COPA: variants seen among roughly 807,000 people sequenced by gnomAD.
COPA encodes coatomer subunit alpha.
COPA carries 10 observed loss-of-function variants against 158.7 expected under a neutral mutation model. The ratio of observed to expected loss-of-function variants is 0.06; its 90% CI spans 0.04 to 0.11. The LOEUF (loss-of-function observed/expected upper bound fraction) is 0.11, where lower values mean the gene tolerates loss of function less well. COPA is among the 10% of genes least tolerant of loss of function. COPA has a pLI of 1.00. For missense variants in COPA, 1,065 were observed against 1,536.7 expected (o/e 0.69, Z 5.13); for synonymous variants, 462 against 542.8 (o/e 0.85, Z 2.07).
In COPA at chr1:160,289,529, C is replaced by T. The variant is rs1658149669; in HGVS notation, c.*628G>A. The T allele has an allele frequency of 6.6e-6, 1 of 151,804 alleles. No homozygotes were observed. The highest frequency in any genetic ancestry group is 6.6e-5 in the Admixed American group (1 of 15,230). The allele number at this position is 151,804 out of a possible 1,614,324, so 9.4% of individuals were successfully genotyped here. A position where few individuals can be genotyped will look rare whatever the true frequency, so the allele number is the denominator to read the frequency against. ...TTCTAGTTGACAGGAAAGAAAGCTGCTGTGGGGAAAGGAGGGATAAATACT... is the reference window on the plus strand; with the variant it reads ...TTCTAGTTGACAGGAAAGAAAGCTGTTGTGGGGAAAGGAGGGATAAATACT... On this transcript the variant is annotated 3_prime_UTR_variant, in exon 33 of 33. Transcript: ENST00000241704.
rs372132281 is a variant in COPA at position 160,335,435 on chromosome 1, T to C, written c.229-113A>G. On this transcript the variant is annotated intron_variant, in intron 3 of 32. Transcript: ENST00000241704. ...ATATGTATATAAATATAGATTTATA[T>C]ACATTATTTGTATTTTGGCATTTCT... 1.4e-4 allele frequency: 103 copies of C among 751,172 alleles called. No individual in the cohort carries two copies. In the African/African-American group the frequency reaches 1.5e-3, roughly 11 times the overall value. 46.5% of individuals were successfully genotyped at this position (751,172 alleles called of 1,614,324 possible).
At chr1:160,322,839 C>G (rs7525326) in intron 8 of COPA, among the ~76,000 whole-genome samples, 5,022 of 152,140 alleles carry the variant, frequency 0.033, 274 homozygotes, top group African/African-American at 0.12. Flanking sequence ...CCACTACTGG[C>G]TATATATCCA....
rs1658121830 is a variant in COPA at position 160,288,913 on chromosome 1, T to C, written c.*1244A>G. On this transcript the variant is annotated 3_prime_UTR_variant, in exon 33 of 33. Transcript: ENST00000241704. ...GAATAAGGGAGCTACTTGCTTTCTA[T>C]CATTTTCACAGCAGTTTAGGTCCTC... Among the ~76,000 whole-genome samples the C allele has an allele frequency of 6.6e-6, 1 of 152,196 alleles. No homozygotes were observed. The highest frequency in any genetic ancestry group is 1.5e-5 in the Non-Finnish European group (1 of 68,038).
intron 1 of COPA, among the ~76,000 whole-genome samples, chr1:160,341,273 G>A (rs182291852): frequency 6.6e-6 from 1 of 152,326 alleles, no homozygotes; most frequent in African/African-American, 2.4e-5. Flanking sequence ...TTTTATGAAA[G>A]TGGGGATCAC....
At position 160,295,799 on chromosome 1, in the gene COPA, C is replaced by T. The variant is rs1350461366; in HGVS notation, c.2413G>A (p.Asp805Asn). The change falls in exon 23 of 33, where the codon GAT becomes AAT. Residue 805 changes from aspartate to asparagine, a missense_variant. This residue lies in a region of COPA where 980 missense variants were observed against 1,357.8 expected (regional missense o/e 0.72). Coordinates refer to ENST00000241704, the MANE Select transcript of COPA (RefSeq NM_004371.4). ...ACAGTCAATAAAGGCCAATTGGTAT[C>T]CAATGGCATGATAGGTGCAGGTGGC... is the stretch of plus-strand genomic sequence containing the variant. ...LQPPAPIMPL[D>N]TNWPLLTVSK... 1 of 1,613,638 alleles carries T rather than the reference C, an allele frequency of 6.2e-7. No homozygotes were observed. Among genetic ancestry groups the T allele is most frequent in the South Asian group, 1.1e-5 (1 of 90,948 alleles).
Position 160,315,958 on chromosome 1 carries a change from A to C in COPA, c.707-1833T>G, listed in dbSNP as rs143890820. Among the ~76,000 whole-genome samples the C allele has an allele frequency of 9.2e-5, 14 of 152,376 alleles. No individual in the cohort carries two copies. In the East Asian group the frequency reaches 2.7e-3, roughly 29 times the overall value. On this transcript the variant is annotated intron_variant, in intron 8 of 32. Transcript: ENST00000241704. ...GAAAACAAATCAAACAGAAATCTTG[A>C]AACAGAAACACATTTGCTGAAATGA...
At chr1:160,313,205 T>C (rs775380356) in intron 9 of COPA, 38 bp from the exon 10 acceptor site, 17 of 1,578,702 alleles carry the variant, frequency 1.1e-5, no homozygotes, top group Non-Finnish European at 8.7e-7. Flanking sequence ...ATTAATTTCC[T>C]AGGAATCTTC....
rs769060273 is a variant in COPA at position 160,311,871 on chromosome 1, C to A, written c.1073G>T (p.Arg358Leu). The stretch of plus-strand genomic sequence containing the variant: ...GAAAGAAACAAGTCCGATTTACCTC[C>A]GCAACTGCATCACAGCTACATCTTT... ...SSKDVAVMQL[R>L]SGSKFPVFNM... is the part of the protein sequence containing the mutation. The change falls in exon 11 of 33, where the codon CGG (arginine) becomes CTG (leucine). Residue 358 changes from arginine (R) to leucine (L), a missense_variant. By Grantham distance (102) the Arg-to-Leu change is moderately radical. Transcript: ENST00000241704. 5 of 1,611,442 alleles carry A rather than the reference C, an allele frequency of 3.1e-6. No homozygotes were observed. In the African/African-American group the frequency reaches 6.7e-5, roughly 22 times the overall value.
intron 19 of COPA, 23 bp downstream of exon 19, chr1:160,298,822 G>A (rs1478465669): frequency 6.2e-7 from 1 of 1,613,436 alleles, no homozygotes; most frequent in Non-Finnish European, 8.5e-7. Flanking sequence ...ACAATATGGG[G>A]CTGATGACCA....
intron 25 of COPA, 135 bp downstream of exon 25, chr1:160,294,349 C>T: frequency 1.4e-6 from 1 of 722,960 alleles, no homozygotes; most frequent in Non-Finnish European, 2.4e-6. Context: ...TAGTCCCCTT[C>T]CCAGAAGGGC....
intron 11 of COPA, among the ~76,000 whole-genome samples, 178 bp downstream of exon 11, chr1:160,311,690 T>G (rs1658971507): frequency 6.6e-6 from 1 of 151,956 alleles, no homozygotes; most frequent in South Asian, 2.1e-4. Flanking sequence ...GAGCTTGCAG[T>G]GAGCCGAGAT....
intron 8 of COPA, among the ~76,000 whole-genome samples, chr1:160,323,118 A>T (rs1659382473): frequency 6.6e-6 from 1 of 152,112 alleles, no homozygotes; most frequent in Non-Finnish European, 1.5e-5. Context: ...CAAAGAGACA[A>T]ATATGGCATG....
At chr1:160,339,173 G>A (rs61801298) in intron 3 of COPA, among the ~76,000 whole-genome samples, 13,557 of 149,502 alleles carry the variant, frequency 0.091, 760 homozygotes, top group Middle Eastern at 0.15. Context: ...CTCCTTATTG[G>A]CCATCACCCA....
intron 5 of COPA, 40 bp from the exon 6 acceptor site, chr1:160,332,597 A>T (rs1433685391): frequency 5.7e-6 from 8 of 1,403,848 alleles, no homozygotes; most frequent in Non-Finnish European, 6.9e-6. Context: ...TTAGAGGTGG[A>T]AGTCAACAGA....
Position 160,343,138 on chromosome 1 carries a change from C to T in COPA, c.33G>A (p.Arg11=). ...CCTTTTATTCTCCACTACCTTTGACCCGCGCGCTCTTGGTCTCGAATTTGG... is the reference window on the plus strand; with the variant it reads ...CCTTTTATTCTCCACTACCTTTGACTCGCGCGCTCTTGGTCTCGAATTTGG... MLTKFETKSA[R]VKGLSFHPKR... The change falls in exon 1 of 33, where the codon CGG becomes CGA. Residue 11 remains arginine (R), a synonymous_variant. Transcript: ENST00000241704. 2 of 1,614,216 alleles carry T rather than the reference C, an allele frequency of 1.2e-6. No individual in the cohort carries two copies. Among genetic ancestry groups the T allele is most frequent in the Non-Finnish European group, 1.7e-6 (2 of 1,180,040 alleles).
intron 6 of COPA, among the ~76,000 whole-genome samples, chr1:160,332,148 A>G (rs1181843509): frequency 6.6e-6 from 1 of 152,212 alleles, no homozygotes; most frequent in African/African-American, 2.4e-5. Flanking sequence ...ATTTGAGTGG[A>G]AAGCATGATT....
At chr1:160,311,704 G>A (rs1041986725) in intron 11 of COPA, among the ~76,000 whole-genome samples, 164 bp downstream of exon 11, 1 of 149,872 alleles carries the variant, frequency 6.7e-6, no homozygotes, top group Non-Finnish European at 1.5e-5. Context: ...CCGAGATCGC[G>A]CCACTGCACT....
rs752285362 is a variant in COPA at position 160,297,371 on chromosome 1, A to G, written c.2235T>C (p.Arg745=). The G allele has an allele frequency of 6.2e-7, 1 of 1,614,216 alleles. No homozygotes were observed. The highest frequency in any genetic ancestry group is 1.1e-5 in the South Asian group (1 of 91,080). Residue 745 remains arginine (R), a synonymous_variant, in exon 21 of 33, where the codon CGT becomes CGC. Coordinates refer to ENST00000241704, the MANE Select transcript of COPA (RefSeq NM_004371.4). ...GTCCACAGTTCTTCAGGATCCGCAC[A>G]CGCTCTGACACATCACCCAGGTATA... ...NALYLGDVSE[R]VRILKNCGQK...
intron 11 of COPA, chr1:160,310,547 C>T (rs964390376): frequency 2.9e-5 from 6 of 205,144 alleles, no homozygotes; most frequent in Non-Finnish European, 4.9e-5. Flanking sequence ...GGGACTGGTT[C>T]TGCTTGGATA....
Sources: gnomAD v4.1 joint callset for allele counts (sites outside exome capture counted in the v4.1 genomes callset) on GRCh38, gnomAD v4.1.1 for gene constraint, gnomAD v4.1.1 regional missense constraint, MANE v1.5 for transcripts, NCBI Gene and HGNC (gene_info 2026-07-23, HGNC 2026-07-21) for gene names.